The following SORCS1 variants were observed in gnomAD, a reference collection of about 807,000 sequenced individuals.
SORCS1 encodes the protein VPS10 domain-containing receptor SorCS1.
SORCS1 carries 60 observed loss-of-function variants against 146.1 expected under a neutral mutation model. The ratio of observed to expected loss-of-function variants is 0.41; its 90% CI spans 0.33 to 0.51. The LOEUF (loss-of-function observed/expected upper bound fraction) is 0.51, where lower values mean the gene tolerates loss of function less well. SORCS1 is among the 20% of genes least tolerant of loss of function. The pLI, the probability that SORCS1 is intolerant of heterozygous loss-of-function variation, is 0.21. For missense variants in SORCS1, 1,352 were observed against 1,487.6 expected (o/e 0.91, Z 1.50); for synonymous variants, 637 against 584.0 (o/e 1.09, Z -1.31).
chr10:106,668,849 T>G (rs1451546394), intron 16 of SORCS1, among the ~76,000 whole-genome samples: 1 of 152,044 alleles, frequency 6.6e-6, no homozygotes, highest in Non-Finnish European at 1.5e-5. Context: ...GCAAGGTCAT[T>G]TGGGGGACTG....
upstream of SORCS1, among the ~76,000 whole-genome samples, chr10:107,169,189 C>T (rs1392811833): frequency 6.6e-6 from 1 of 152,088 alleles, no homozygotes; most frequent in Non-Finnish European, 1.5e-5. Flanking sequence ...ATTTATATGC[C>T]TCATCGTTTG....
chr10:106,625,826 A>G (rs1015297853), intron 19 of SORCS1, among the ~76,000 whole-genome samples: 4 of 151,904 alleles, frequency 2.6e-5, no homozygotes, highest in African/African-American at 9.7e-5. Context: ...TTTTTCTGCA[A>G]GACTGGCTGC....
intron 2 of SORCS1, among the ~76,000 whole-genome samples, chr10:106,892,317 C>T (rs993310269): frequency 8.5e-5 from 13 of 152,156 alleles, no homozygotes; most frequent in African/African-American, 2.9e-4. Flanking sequence ...TTCTAAGTCA[C>T]CTGGAGTTTG....
intron 19 of SORCS1, among the ~76,000 whole-genome samples, chr10:106,621,557 T>C (rs2133501897): frequency 6.6e-6 from 1 of 151,904 alleles, no homozygotes; most frequent in Non-Finnish European, 1.5e-5. Context: ...ATCAAATGCA[T>C]GTGAAGGGCT....
intron 1 of SORCS1, among the ~76,000 whole-genome samples, chr10:107,075,311 GT>G (rs1962779266): frequency 6.6e-6 from 1 of 152,196 alleles, no homozygotes; most frequent in African/African-American, 2.4e-5. Flanking sequence ...AATTAGTCTG[GT>G]TTTGCTTTCC....
intron 2 of SORCS1, among the ~76,000 whole-genome samples, chr10:106,956,129 CAAAA>C (rs201562634): frequency 8.0e-6 from 1 of 125,484 alleles, no homozygotes; most frequent in Non-Finnish European, 1.7e-5. Context: ...AACTCCGTCT[CAAAA>C]AAAAAAAAAA....
intron 18 of SORCS1, among the ~76,000 whole-genome samples, chr10:106,644,448 C>T (rs1170429883): frequency 6.6e-6 from 1 of 152,014 alleles, no homozygotes; most frequent in African/African-American, 2.4e-5. Flanking sequence ...CTCACTGCAA[C>T]CTCCGCCTCC....
chr10:107,178,421 G>A, the SORCS1 span, among the ~76,000 whole-genome samples: 1 of 151,684 alleles, frequency 6.6e-6, no homozygotes, highest in Non-Finnish European at 1.5e-5. Flanking sequence ...TTCACTTAAC[G>A]TGATGACCTC....
chr10:107,124,296 G>C (rs1966577356), intron 1 of SORCS1, among the ~76,000 whole-genome samples: 1 of 151,982 alleles, frequency 6.6e-6, no homozygotes, highest in Non-Finnish European at 1.5e-5. Flanking sequence ...TCCAAAATTA[G>C]GTCCTAATTT....
At chr10:107,126,259 C>G (rs777058192) in intron 1 of SORCS1, among the ~76,000 whole-genome samples, 2 of 152,048 alleles carry the variant, frequency 1.3e-5, no homozygotes, top group Non-Finnish European at 2.9e-5. Context: ...AAAGCACTCT[C>G]CAATGTCTGC....
At position 106,671,253 on chromosome 10, in the gene SORCS1, C is replaced by A; in HGVS notation, c.2173G>T (p.Glu725Ter). Residue 725 changes from glutamate (E) to a stop codon, truncating the protein, a stop_gained, in exon 16 of 26, where the codon GAG becomes TAG. Coordinates refer to ENST00000263054, the MANE Select transcript of SORCS1 (RefSeq NM_052918.5). LOFTEE classifies it high-confidence loss of function. ...CAAGCTCACCAATCAAAATCAGCCT[C>A]AGTGCAGACACAGGGTTCAGATTCC... ...AMESEPCVCT[E>*]ADFDCDYGYE... The A allele has an allele frequency of 6.2e-7, 1 of 1,614,110 alleles. No individual in the cohort carries two copies. Among genetic ancestry groups the A allele is most frequent in the South Asian group, 1.1e-5 (1 of 91,084 alleles).
At chr10:106,976,697 C>T (rs959372629) in intron 1 of SORCS1, among the ~76,000 whole-genome samples, 3 of 152,124 alleles carry the variant, frequency 2.0e-5, no homozygotes, top group African/African-American at 7.2e-5. Flanking sequence ...TTCCCCTTGC[C>T]TCTCACCCCC....
chr10:106,841,014 C>A (rs541703874), intron 2 of SORCS1, among the ~76,000 whole-genome samples: 1 of 151,776 alleles, frequency 6.6e-6, no homozygotes, highest in East Asian at 2.0e-4. Context: ...CGCCACCATA[C>A]CCCGCTAATT....
At chr10:106,863,828 A>G (rs1211698007) in intron 2 of SORCS1, among the ~76,000 whole-genome samples, 1 of 151,698 alleles carries the variant, frequency 6.6e-6, no homozygotes, top group African/African-American at 2.4e-5. Flanking sequence ...AAAAAAAAAA[A>G]GCAAAGTAAT....
intron 18 of SORCS1, among the ~76,000 whole-genome samples, chr10:106,650,811 T>C: frequency 6.6e-6 from 1 of 152,214 alleles, no homozygotes; most frequent in Admixed American, 6.5e-5. Context: ...AAAGGAATTT[T>C]AGCTTCTCAA....
intron 3 of SORCS1, among the ~76,000 whole-genome samples, chr10:106,784,280 A>T (rs536628689): frequency 6.6e-6 from 1 of 152,168 alleles, no homozygotes; most frequent in Non-Finnish European, 1.5e-5. Context: ...CTGTAGTCTC[A>T]GCTACTCAGG....
At chr10:106,958,484 G>A (rs1026259254) in intron 1 of SORCS1, among the ~76,000 whole-genome samples, 11 of 152,168 alleles carry the variant, frequency 7.2e-5, no homozygotes, top group African/African-American at 1.4e-4. Flanking sequence ...ACAAGCATCA[G>A]TGAACACATT....
intron 8 of SORCS1, among the ~76,000 whole-genome samples, chr10:106,705,234 C>T (rs749723905): frequency 6.6e-5 from 10 of 152,274 alleles, no homozygotes; most frequent in Non-Finnish European, 1.2e-4. Flanking sequence ...CAACCACGAA[C>T]ATAGCTATAG....
At chr10:107,054,970 A>C (rs929931270) in intron 1 of SORCS1, among the ~76,000 whole-genome samples, 1 of 152,192 alleles carries the variant, frequency 6.6e-6, no homozygotes, top group Non-Finnish European at 1.5e-5. Flanking sequence ...AGAACTTAGA[A>C]GAGCCCATCA....
Sources: allele counts gnomAD v4.1 joint callset (sites outside exome capture counted in the v4.1 genomes callset), GRCh38; gene constraint gnomAD v4.1.1; transcripts MANE v1.5; gene names NCBI Gene and HGNC (gene_info 2026-07-23, HGNC 2026-07-21).